Variants in CD5 observed in about 807,000 individuals in gnomAD.
CD5 encodes the protein T-cell surface glycoprotein CD5.
In CD5, 36 loss-of-function variants were observed where a neutral mutation model predicts 60.3. The ratio of observed to expected loss-of-function variants is 0.60; its 90% CI spans 0.46 to 0.79. The LOEUF (loss-of-function observed/expected upper bound fraction) is 0.79. CD5 is among the 30% of genes least tolerant of loss of function. The probability of loss-of-function intolerance (pLI) is 0.00; values close to 1 mark genes in which losing one functional copy is unlikely to be tolerated. For missense variants in CD5, 540 were observed against 630.6 expected (o/e 0.86, Z 1.54); for synonymous variants, 230 against 257.6 (o/e 0.89, Z 1.03).
chr11:61,119,681 G>A, intron 5 of CD5, 106 bp downstream of exon 5: 1 of 787,922 alleles, frequency 1.3e-6, no homozygotes. Context: ...GGGCACTATG[G>A]AGAATACAAG....
chr11:61,109,814 G>A (rs754593174), intron 1 of CD5, among the ~76,000 whole-genome samples: 2 of 152,180 alleles, frequency 1.3e-5, no homozygotes, highest in Non-Finnish European at 2.9e-5. Context: ...CCTAAATTGT[G>A]GGAGCTGCAA....
At chr11:61,116,547 ACAC>A (rs1336252182) in intron 2 of CD5, among the ~76,000 whole-genome samples, 2 of 96,954 alleles carry the variant, frequency 2.1e-5, no homozygotes, top group Non-Finnish European at 4.2e-5. Flanking sequence ...CACCACACAC[ACAC>A]ACCACACACA....
chr11:61,094,905 C>T, the CD5 span, among the ~76,000 whole-genome samples: 1 of 152,118 alleles, frequency 6.6e-6, no homozygotes, highest in Non-Finnish European at 1.5e-5. Flanking sequence ...GAAGGTATGG[C>T]ACAGGGTAAC....
intron 1 of CD5, among the ~76,000 whole-genome samples, chr11:61,105,851 A>G (rs1366421780): frequency 6.6e-6 from 1 of 152,206 alleles, no homozygotes; most frequent in Non-Finnish European, 1.5e-5. Flanking sequence ...AAGACCGGGC[A>G]TGGTGGCTCA....
upstream of CD5, among the ~76,000 whole-genome samples, chr11:61,100,635 T>A (rs1320075943): frequency 0.011 from 312 of 27,980 alleles, no homozygotes; most frequent in East Asian, 0.033. Context: ...CACACACACA[T>A]CAACATGGAG....
chr11:61,107,320 G>A (rs887609786), intron 1 of CD5, among the ~76,000 whole-genome samples: 11 of 152,190 alleles, frequency 7.2e-5, no homozygotes, highest in South Asian at 2.1e-4. Context: ...GGATGCCCCC[G>A]TGAGGACTTG....
At chr11:61,099,485 C>T (rs1434086023), upstream of CD5, among the ~76,000 whole-genome samples, 3 of 150,672 alleles carry the variant, frequency 2.0e-5, no homozygotes, top group African/African-American at 7.4e-5. Flanking sequence ...AGATCACACA[C>T]ACATCAACAT....
intron 1 of CD5, 119 bp downstream of exon 1, chr11:61,102,734 T>A: frequency 1.1e-6 from 1 of 915,744 alleles, no homozygotes; most frequent in Non-Finnish European, 1.7e-6. Flanking sequence ...TGGAGCGTTG[T>A]GGAGATTTGG....
Position 61,121,744 on chromosome 11 carries a change from G to C in CD5, c.939G>C (p.Glu313Asp), listed in dbSNP as rs780314882. 1 of 1,611,754 alleles carries C rather than the reference G, an allele frequency of 6.2e-7. No individual in the cohort carries two copies. The highest frequency in any genetic ancestry group is 8.5e-7 in the Non-Finnish European group (1 of 1,178,542). The change falls in exon 6 of 11, where the codon GAG becomes GAC. Residue 313 changes from glutamate (E) to aspartate (D), a missense_variant. Coordinates refer to ENST00000347785, the MANE Select transcript of CD5 (RefSeq NM_014207.4). Reference sequence around the variant, plus strand: ...CAGCCAGGAGCTCGCTGCGGTGGGAGGAGGTGTGCCGGGAGCAGCAGTGTG... The same window carrying C: ...CAGCCAGGAGCTCGCTGCGGTGGGACGAGGTGTGCCGGGAGCAGCAGTGTG... ...SSSARSSLRWEEVCREQQCGS... is the reference protein window; with the variant it reads ...SSSARSSLRWDEVCREQQCGS...
intron 1 of CD5, among the ~76,000 whole-genome samples, chr11:61,104,265 C>T (rs573092090): frequency 6.6e-6 from 1 of 152,158 alleles, no homozygotes; most frequent in Non-Finnish European, 1.5e-5. Flanking sequence ...ACAATGGCAC[C>T]TGTGCACACA....
upstream of CD5, among the ~76,000 whole-genome samples, chr11:61,099,387 C>T (rs1634380): frequency 0.42 from 55,030 of 131,186 alleles, 12,107 homozygotes; most frequent in East Asian, 0.91. Flanking sequence ...ATGGAAATCA[C>T]ACACACACAT....
intron 9 of CD5, 38 bp from the exon 10 acceptor site, chr11:61,125,713 C>A (rs372566254): frequency 2.7e-4 from 408 of 1,515,498 alleles, no homozygotes; most frequent in Non-Finnish European, 3.4e-4. Flanking sequence ...TCTGTGGAGT[C>A]AAAAACCCTC....
chr11:61,097,032 C>T, the CD5 span, among the ~76,000 whole-genome samples: 1 of 152,226 alleles, frequency 6.6e-6, no homozygotes, highest in Non-Finnish European at 1.5e-5. Flanking sequence ...CTGGCCAGTA[C>T]AGGACTTGGT....
the CD5 span, among the ~76,000 whole-genome samples, chr11:61,096,511 A>T: frequency 2.6e-5 from 4 of 152,180 alleles, no homozygotes; most frequent in Non-Finnish European, 5.9e-5. Context: ...TCCACTAAGC[A>T]GGCTTTCTGT....
At chr11:61,097,665 G>A (rs924253878), upstream of CD5, among the ~76,000 whole-genome samples, 1 of 152,120 alleles carries the variant, frequency 6.6e-6, no homozygotes, top group Non-Finnish European at 1.5e-5. Context: ...AAAAACAGGT[G>A]AACTCCTGGG....
intron 9 of CD5, 21 bp from the exon 10 acceptor site, chr11:61,125,730 C>T (rs1565188144): frequency 1.9e-6 from 3 of 1,583,548 alleles, no homozygotes; most frequent in Non-Finnish European, 2.6e-6. Flanking sequence ...CCTCTGCAAA[C>T]AGCGTCCTTT....
At chr11:61,104,849 G>A (rs113375042) in intron 1 of CD5, among the ~76,000 whole-genome samples, 2 of 152,214 alleles carry the variant, frequency 1.3e-5, no homozygotes, top group Non-Finnish European at 1.5e-5. Flanking sequence ...GTGCACAGCC[G>A]AGCTGACCCC....
chr11:61,106,067 G>A (rs1185421135), intron 1 of CD5, among the ~76,000 whole-genome samples: 1 of 145,802 alleles, frequency 6.9e-6, no homozygotes, highest in African/African-American at 2.6e-5. Flanking sequence ...GGAGGTTGCG[G>A]TGAGCCGAGA....
intron 7 of CD5, 110 bp from the exon 8 acceptor site, chr11:61,123,774 C>A: frequency 1.2e-6 from 1 of 831,104 alleles, no homozygotes; most frequent in Admixed American, 2.0e-5. Context: ...CCCTCAGCTG[C>A]ACCTGCCGCC....
Sources: gnomAD v4.1 joint callset for allele counts (sites outside exome capture counted in the v4.1 genomes callset) on GRCh38, gnomAD v4.1.1 for gene constraint, MANE v1.5 for transcripts, NCBI Gene and HGNC (gene_info 2026-07-23, HGNC 2026-07-21) for gene names.